The following RGMA variants were observed in gnomAD, a reference collection of about 807,000 sequenced individuals.
RGMA encodes repulsive guidance molecule BMP co-receptor a.
RGMA carries 10 observed loss-of-function variants against 23.2 expected under a neutral mutation model. That is an observed-to-expected ratio of 0.43 (90% confidence interval 0.27 to 0.73). RGMA has a LOEUF of 0.73. RGMA is among the 30% of genes least tolerant of loss of function. The pLI, the probability that RGMA is intolerant of heterozygous loss-of-function variation, is 0.20. For synonymous variants in RGMA, 308 were observed against 279.3 expected (o/e 1.10, Z -1.03); for missense variants, 547 against 630.5 (o/e 0.87, Z 1.42).
At chr15:93,063,230 C>T (rs756443136) in intron 2 of RGMA, among the ~76,000 whole-genome samples, 68 of 152,244 alleles carry the variant, frequency 4.5e-4, no homozygotes, top group Non-Finnish European at 7.6e-4. Context: ...TCCTCACTGT[C>T]CACCTAGCCT....
intron 2 of RGMA, among the ~76,000 whole-genome samples, chr15:93,055,737 A>G (rs2055003233): frequency 6.6e-6 from 1 of 152,184 alleles, no homozygotes; most frequent in Non-Finnish European, 1.5e-5. Flanking sequence ...CCAGCAGACA[A>G]GTTCCAAGGG....
At chr15:93,088,323 G>A (rs1201827589) in intron 1 of RGMA, 20 of 984,098 alleles carry the variant, frequency 2.0e-5, no homozygotes, top group Admixed American at 6.2e-5. Flanking sequence ...AATCGTCGCC[G>A]TGCCCTCCCG....
Position 93,073,283 on chromosome 15 carries a change from C to T in RGMA, c.15-252G>A, listed in dbSNP as rs928117995. ...CCGCCCCCTCGCGCTCGGGTTTCAG[C>T]GAGGCCGGCGAGGTAGCCGGAGGCG... On this transcript the variant is annotated intron_variant, in intron 1 of 3. Transcript: ENST00000329082. The T allele has an allele frequency of 1.4e-4, 115 of 809,028 alleles. No homozygotes were observed. In the African/African-American group the frequency reaches 1.7e-3, roughly 12 times the overall value. The allele number at this position is 809,028 out of a possible 1,614,324, so 50.1% of individuals were successfully genotyped here. A position where few individuals can be genotyped will look rare whatever the true frequency, so the allele number is the denominator to read the frequency against.
chr15:93,073,294 A>C (rs556570813), intron 1 of RGMA: 1 of 726,430 alleles, frequency 1.4e-6, no homozygotes, highest in Non-Finnish European at 1.8e-6. Flanking sequence ...GAGGCCGGCG[A>C]GGTAGCCGGA....
chr15:93,074,532 G>A (rs548795336), intron 1 of RGMA, among the ~76,000 whole-genome samples: 51 of 152,362 alleles, frequency 3.3e-4, no homozygotes, highest in African/African-American at 1.2e-3. Flanking sequence ...TCCCTTAGGT[G>A]GAAATGCCAG....
chr15:93,053,165 TCAGAGAAGCAAG>T (rs1321685184), intron 2 of RGMA, among the ~76,000 whole-genome samples: 2 of 152,186 alleles, frequency 1.3e-5, no homozygotes, highest in African/African-American at 4.8e-5. Context: ...TCTGTCCTGC[TCAGAGAAGCAAG>T]CTGAGAAGCA....
chr15:93,057,880 C>G (rs954518980), intron 2 of RGMA, among the ~76,000 whole-genome samples: 3 of 152,190 alleles, frequency 2.0e-5, no homozygotes, highest in Non-Finnish European at 4.4e-5. Flanking sequence ...GCTCTCGTAT[C>G]TCTGCTGGGA....
At chr15:93,047,931 GGA>G (rs2054851504) in intron 3 of RGMA, among the ~76,000 whole-genome samples, 1 of 152,214 alleles carries the variant, frequency 6.6e-6, no homozygotes, top group Admixed American at 6.5e-5. Flanking sequence ...AGCTCAGGCA[GGA>G]GAGTCGCAGG....
At chr15:93,081,114 A>T (rs1019620383) in intron 1 of RGMA, among the ~76,000 whole-genome samples, 25 of 152,154 alleles carry the variant, frequency 1.6e-4, no homozygotes, top group African/African-American at 5.8e-4. Context: ...GGGTGGTCCT[A>T]ACTCCAGCTG....
chr15:93,088,541 G>A (rs1261810660), intron 1 of RGMA: 1 of 1,005,946 alleles, frequency 9.9e-7, no homozygotes, highest in Non-Finnish European at 1.2e-6. Context: ...CCCGGGCGGC[G>A]CGGGCCAATG....
At chr15:93,067,323 C>A (rs568540053) in intron 2 of RGMA, among the ~76,000 whole-genome samples, 4 of 152,004 alleles carry the variant, frequency 2.6e-5, no homozygotes, top group Non-Finnish European at 5.9e-5. Flanking sequence ...TGAGCAAAAC[C>A]CAAAACAAAC....
At chr15:93,076,584 C>G (rs765648037) in intron 1 of RGMA, among the ~76,000 whole-genome samples, 3 of 152,110 alleles carry the variant, frequency 2.0e-5, no homozygotes, top group Non-Finnish European at 2.9e-5. Context: ...GAGTGAATGA[C>G]CTTTACCAAA....
In RGMA at chr15:93,052,217, T is replaced by C; in HGVS notation, c.421A>G (p.Ser141Gly). 1 of 1,609,222 alleles carries C rather than the reference T, an allele frequency of 6.2e-7. No homozygotes were observed. The highest frequency in any genetic ancestry group is 8.5e-7 in the Non-Finnish European group (1 of 1,176,516). Reference protein sequence around the residue: ...PAGDSQERSDSPEICHYEKSF... With the variant: ...PAGDSQERSDGPEICHYEKSF... ...TTCTCGTAATGGCAGATCTCGGGGC[T>C]GTCCGAGCGCTCCTGGCTGTCTCCG... Residue 141 changes from serine (S) to glycine (G), a missense_variant, in exon 3 of 4, where the codon AGC becomes GGC. Physicochemically the swap from Ser to Gly is moderately conservative, Grantham distance 56. This residue lies in a region of RGMA where 214 missense variants were observed against 234.7 expected (regional missense o/e 0.91). Transcript: ENST00000329082.
Position 93,045,402 on chromosome 15 carries a change from G to A in RGMA, c.949C>T (p.Arg317Trp), listed in dbSNP as rs763103195. ...WDSQGLYLCL[R>W]GCPLNQQIDF... ...ATCTGCTGGTTGAGGGGGCAGCCCC[G>A]CAGGCAGAGGTAGAGACCCTGGCTG... Residue 317 changes from arginine to tryptophan, a missense_variant, in exon 4 of 4, where the codon CGG becomes TGG. This residue lies in a region of RGMA where 205 missense variants were observed against 204.1 expected (regional missense o/e 1.00). Coordinates refer to ENST00000329082, the MANE Select transcript of RGMA (RefSeq NM_020211.3). The surrounding 1 kb of genome is among the most constrained non-coding windows in gnomAD (Gnocchi z 6.9). The A allele has an allele frequency of 2.1e-5, 34 of 1,612,922 alleles. No homozygotes were observed. Among genetic ancestry groups the A allele is most frequent in the South Asian group, 5.5e-5 (5 of 91,068 alleles).
Position 93,040,256 on chromosome 15 carries a change from C to A in RGMA, c.*4742G>T, listed in dbSNP as rs980145618. The A allele has an allele frequency of 6.6e-6, 1 of 152,280 alleles. No individual in the cohort carries two copies. The highest frequency in any genetic ancestry group is 1.9e-4 in the East Asian group (1 of 5,192). 9.4% of individuals were successfully genotyped at this position (152,280 alleles called of 1,614,324 possible). A position where few individuals can be genotyped will look rare whatever the true frequency, so the allele number is the denominator to read the frequency against. On this transcript the variant is annotated 3_prime_UTR_variant, in exon 4 of 4. Coordinates refer to ENST00000329082, the MANE Select transcript of RGMA (RefSeq NM_020211.3). ...CCAAGTCGGACACATCATTCCTACACTCAAAGCCCGTGAACGGCTTCCTCT... is the reference window on the plus strand; with the variant it reads ...CCAAGTCGGACACATCATTCCTACAATCAAAGCCCGTGAACGGCTTCCTCT...
In RGMA at chr15:93,045,751, G is replaced by A. The variant is rs752268600; in HGVS notation, c.646-46C>T. The stretch of plus-strand genomic sequence containing the variant: ...GGAGAGTGGGTGAGGCACAGTGGGA[G>A]GAGGCACAGCCCCACACTTAAGATG... On this transcript the variant is annotated intron_variant, in intron 3 of 3. Transcript: ENST00000329082. The surrounding 1 kb of genome is among the most constrained non-coding windows in gnomAD (Gnocchi z 6.9). 4 of 1,392,476 alleles carry A rather than the reference G, an allele frequency of 2.9e-6. No homozygotes were observed. The highest frequency in any genetic ancestry group is 3.0e-6 in the Non-Finnish European group (3 of 995,976). 86.3% of individuals were successfully genotyped at this position (1,392,476 alleles called of 1,614,324 possible).
In RGMA at chr15:93,045,739, G is replaced by A. The variant is rs67584445; in HGVS notation, c.646-34C>T. 111,043 of 1,503,688 alleles carry A rather than the reference G, an allele frequency of 0.074. 4,478 individuals are homozygous for A. Among genetic ancestry groups the A allele is most frequent in the South Asian group, 0.092 (8,102 of 88,476 alleles). The allele number at this position is 1,503,688 out of a possible 1,614,324, so 93.1% of individuals were successfully genotyped here. A position where few individuals can be genotyped will look rare whatever the true frequency, so the allele number is the denominator to read the frequency against. Reference sequence around the variant, plus strand: ...GAAAGGGGCAGAGGAGAGTGGGTGAGGCACAGTGGGAGGAGGCACAGCCCC... The same window carrying A: ...GAAAGGGGCAGAGGAGAGTGGGTGAAGCACAGTGGGAGGAGGCACAGCCCC... On this transcript the variant is annotated intron_variant, in intron 3 of 3. Coordinates refer to ENST00000329082, the MANE Select transcript of RGMA (RefSeq NM_020211.3). The surrounding 1 kb of genome is among the most constrained non-coding windows in gnomAD (Gnocchi z 6.9).
At chr15:93,073,890 G>A (rs1895423419) in intron 1 of RGMA, 2 of 1,460,328 alleles carry the variant, frequency 1.4e-6, no homozygotes, top group African/African-American at 2.8e-5. Flanking sequence ...TGCCACTCCA[G>A]AGAGATGGCT....
At chr15:93,056,295 A>G (rs11858805) in intron 2 of RGMA, among the ~76,000 whole-genome samples, 62,723 of 152,060 alleles carry the variant, frequency 0.41, 13,224 homozygotes, top group East Asian at 0.64. Flanking sequence ...AGTTTCAGAG[A>G]AGGGGGCTGC....
Sources: allele counts gnomAD v4.1 joint callset (sites outside exome capture counted in the v4.1 genomes callset), GRCh38; gene constraint gnomAD v4.1.1; regional missense constraint gnomAD v4.1.1; non-coding constraint Gnocchi (gnomAD v3.1); transcripts MANE v1.5; gene names NCBI Gene and HGNC (gene_info 2026-07-23, HGNC 2026-07-21).